The following SDR39U1 variants were observed in gnomAD, a reference collection of about 807,000 sequenced individuals.
SDR39U1 encodes the protein short chain dehydrogenase/reductase family 39U member 1, also known as epimerase family protein SDR39U1.
SDR39U1 carries 29 observed loss-of-function variants against 31.7 expected under a neutral mutation model. That is an observed-to-expected ratio of 0.92 (90% CI 0.68 to 1.25). The LOEUF (loss-of-function observed/expected upper bound fraction) is 1.25, where lower values mean the gene tolerates loss of function less well. SDR39U1 is among the 50% of genes most tolerant of loss of function. The pLI is 0.00. For synonymous variants in SDR39U1, 147 were observed against 159.0 expected, an observed-to-expected ratio of 0.92 and a Z score of 0.57; for missense variants, 403 against 378.4, an observed-to-expected ratio of 1.06 and a Z score of -0.54.
chr14:24,440,746 A>G (rs1438719995), intron 5 of SDR39U1, 37 bp downstream of exon 5: 25 of 1,606,686 alleles, frequency 1.6e-5, no homozygotes, highest in Non-Finnish European at 2.1e-5. Flanking sequence ...CAGAGAAGAC[A>G]TTCCAACCCT....
intron 3 of SDR39U1, 131 bp from the exon 4 acceptor site, chr14:24,441,926 G>A (rs755376422): frequency 6.6e-6 from 9 of 1,373,184 alleles, no homozygotes; most frequent in Non-Finnish European, 9.1e-6. Context: ...AAGAGAAACA[G>A]TCAACGTCTC....
intron 3 of SDR39U1, 102 bp downstream of exon 3, chr14:24,442,076 C>A: frequency 6.5e-7 from 1 of 1,550,370 alleles, no homozygotes; most frequent in South Asian, 1.2e-5. Flanking sequence ...CGGTTTAGTT[C>A]GGAATCTGGG....
chr14:24,442,715 T>C, intron 1 of SDR39U1, 39 bp downstream of exon 1: 2 of 1,613,256 alleles, frequency 1.2e-6, no homozygotes, highest in East Asian at 4.5e-5. Context: ...AATCTCCGAC[T>C]AAGCCCGCCC....
At position 24,440,445 on chromosome 14, in the gene SDR39U1, G is replaced by T; in HGVS notation, c.520C>A (p.Pro174Thr). The T allele has an allele frequency of 1.2e-6, 2 of 1,611,402 alleles. No individual in the cohort carries two copies. Among genetic ancestry groups the T allele is most frequent in the South Asian group, 2.2e-5 (2 of 90,622 alleles). Reference sequence around the variant, plus strand: ...GGGCCCCCCAGGCCCAGGCGAAAGGGCAGCAGCATGTGGCCCATGGCACCA... The same window carrying T: ...GGGCCCCCCAGGCCCAGGCGAAAGGTCAGCAGCATGTGGCCCATGGCACCA... Reference protein sequence around the residue: ...GGGAMGHMLLPFRLGLGGPIG... With the variant: ...GGGAMGHMLLTFRLGLGGPIG... The change falls in exon 6 of 6, where the codon CCC (proline) becomes ACC (threonine). Residue 174 changes from proline (P) to threonine (T), a missense_variant. Coordinates refer to ENST00000399395, the MANE Select transcript of SDR39U1 (RefSeq NM_020195.3).
chr14:24,442,818 C>A, upstream of SDR39U1: 1 of 1,608,110 alleles, frequency 6.2e-7, no homozygotes, highest in Non-Finnish European at 8.5e-7. Context: ...TTTACCTCAC[C>A]TCAGACGCGA....
rs915386598 is a variant in SDR39U1, at chr14:24,441,668, G to C, written c.328+6C>G. 2 of 1,574,586 alleles carry C rather than the reference G, an allele frequency of 1.3e-6. No homozygotes were observed. The highest frequency in any genetic ancestry group is 1.4e-5 in the African/African-American group (1 of 72,390). ...ATATAAGGGGCTGGTGATTTGGGGG[G>C]CGTACCTACACCTGTGACTAAGACC... On this transcript the variant is annotated splice_donor_region_variant and intron_variant, in intron 4 of 5. Coordinates refer to ENST00000399395, the MANE Select transcript of SDR39U1 (RefSeq NM_020195.3).
At position 24,442,094 on chromosome 14, in the gene SDR39U1, T is replaced by C. The variant is rs575333991; in HGVS notation, c.206+84A>G. 6.6e-5 allele frequency: 102 copies of C among 1,556,050 alleles called. 2 individuals are homozygous for C. The Admixed American group carries it at 2.0e-3, about 30-fold the overall frequency. ...TTTAGTTCGGAATCTGGGAGCTCCA[T>C]TACCCATAGCTCACAGGTTCTCATC... On this transcript the variant is annotated intron_variant, in intron 3 of 5. Coordinates refer to ENST00000399395, the MANE Select transcript of SDR39U1 (RefSeq NM_020195.3).
At chr14:24,440,972 C>T in intron 4 of SDR39U1, 46 bp from the exon 5 acceptor site, 1 of 1,611,890 alleles carries the variant, frequency 6.2e-7, no homozygotes, top group South Asian at 1.1e-5. Flanking sequence ...CTTGGTCCTG[C>T]CTGGCTCTCT....
In SDR39U1 at chr14:24,442,199, T is replaced by TTC; in HGVS notation, c.183_184dup (p.Asn62ArgfsTer18). ...TGACCTTCGGAGAGGGTTGAGGATG[T>TTC]TCTCTCCGGCCAGGTTGACGGCGGC... On this transcript the variant is annotated frameshift_variant, in exon 3 of 6. Transcript: ENST00000399395. LOFTEE classifies it high-confidence loss of function. The TTC allele has an allele frequency of 6.2e-7, 1 of 1,611,576 alleles. No individual in the cohort carries two copies. Among genetic ancestry groups the TTC allele is most frequent in the Non-Finnish European group, 8.5e-7 (1 of 1,179,046 alleles).
At position 24,440,048 on chromosome 14, in the gene SDR39U1, T is replaced by G; in HGVS notation, c.*35A>C. On this transcript the variant is annotated 3_prime_UTR_variant, in exon 6 of 6. Transcript: ENST00000399395. Reference sequence around the variant, plus strand: ...TCACAGTGCCTAACCTGGAAGCCTGTGAGGAACAGGCCTCAGGCCCTTGCC... The same window carrying G: ...TCACAGTGCCTAACCTGGAAGCCTGGGAGGAACAGGCCTCAGGCCCTTGCC... The G allele has an allele frequency of 6.5e-7, 1 of 1,538,268 alleles. No individual in the cohort carries two copies. The highest frequency in any genetic ancestry group is 8.8e-7 in the Non-Finnish European group (1 of 1,136,868).
At chr14:24,441,108 A>AGT in intron 4 of SDR39U1, 182 bp from the exon 5 acceptor site, 1 of 627,754 alleles carries the variant, frequency 1.6e-6, no homozygotes, top group South Asian at 1.6e-5. Context: ...CCCTGGAGGA[A>AGT]CTCTGGTTGC....
Position 24,442,242 on chromosome 14 carries a change from C to G in SDR39U1, c.142G>C (p.Gly48Arg). 1 of 1,610,890 alleles carries G rather than the reference C, an allele frequency of 6.2e-7. No homozygotes were observed. Residue 48 changes from glycine to arginine, a missense_variant, in exon 3 of 6, where the codon GGG becomes CGG. Transcript: ENST00000399395. ...RITWDELAAS[G>R]LPSCDAAVNL... ...ACGGCGGCATCGCAGCTCGGCAGCC[C>G]CGATGCAGCGAGCTCATCCTGTCGG...
intron 2 of SDR39U1, 34 bp from the exon 3 acceptor site, chr14:24,442,294 C>T (rs1394280093): frequency 6.2e-7 from 1 of 1,601,328 alleles, no homozygotes; most frequent in Non-Finnish European, 8.5e-7. Context: ...CCCTGCCCCG[C>T]CCTGCGCCGC....
At chr14:24,441,117 G>T (rs2043325322) in intron 4 of SDR39U1, 191 bp from the exon 5 acceptor site, 7 of 680,188 alleles carry the variant, frequency 1.0e-5, no homozygotes, top group Non-Finnish European at 1.6e-5. Context: ...AACTCTGGTT[G>T]CAGGGCTAAA....
In SDR39U1 at chr14:24,442,237, C is replaced by A; in HGVS notation, c.147G>T (p.Leu49=). 1 of 1,611,296 alleles carries A rather than the reference C, an allele frequency of 6.2e-7. No homozygotes were observed. Among genetic ancestry groups the A allele is most frequent in the South Asian group, 1.1e-5 (1 of 90,502 alleles). Residue 49 remains leucine, a synonymous_variant, in exon 3 of 6, where the codon CTG becomes CTT. Transcript: ENST00000399395. ...ITWDELAASG[L]PSCDAAVNLA... Reference sequence around the variant, plus strand: ...GGTTGACGGCGGCATCGCAGCTCGGCAGCCCCGATGCAGCGAGCTCATCCT... The same window carrying A: ...GGTTGACGGCGGCATCGCAGCTCGGAAGCCCCGATGCAGCGAGCTCATCCT...
chr14:24,441,215 C>T, intron 4 of SDR39U1: 1 of 511,728 alleles, frequency 2.0e-6, no homozygotes, highest in Non-Finnish European at 3.5e-6. Context: ...TTTATTAACT[C>T]TCTGACTTGA....
At position 24,439,861 on chromosome 14, in the gene SDR39U1, C is replaced by G; in HGVS notation, c.*222G>C. The G allele has an allele frequency of 2.0e-6, 1 of 499,618 alleles. No homozygotes were observed. The highest frequency in any genetic ancestry group is 3.5e-6 in the Non-Finnish European group (1 of 283,400). 30.9% of individuals were successfully genotyped at this position (499,618 alleles called of 1,614,324 possible). A position where few individuals can be genotyped will look rare whatever the true frequency, so the allele number is the denominator to read the frequency against. ...GCAGCTGCAGGACATGTAGAGAAAC[C>G]AAACTGGGAAATCTTACAAGGAGTT... On this transcript the variant is annotated 3_prime_UTR_variant, in exon 6 of 6. Coordinates refer to ENST00000399395, the MANE Select transcript of SDR39U1 (RefSeq NM_020195.3).
Position 24,440,710 on chromosome 14 carries a change from C to G in SDR39U1, c.472+73G>C, listed in dbSNP as rs920027191. 6 of 1,554,180 alleles carry G rather than the reference C, an allele frequency of 3.9e-6. No homozygotes were observed. In the African/African-American group the frequency reaches 5.5e-5, roughly 14 times the overall value. The stretch of plus-strand genomic sequence containing the variant: ...TCACTCTGTAATTGTAATCTCAGCT[C>G]TCCTAATCCCATCACTTCCCCAGCC... On this transcript the variant is annotated intron_variant, in intron 5 of 5. Coordinates refer to ENST00000399395, the MANE Select transcript of SDR39U1 (RefSeq NM_020195.3).
rs531484530 is a variant in SDR39U1 at position 24,442,503 on chromosome 14, C to G, written c.17-51G>C. On this transcript the variant is annotated intron_variant, in intron 1 of 5. Transcript: ENST00000399395. Reference sequence around the variant, plus strand: ...TATTCCCGTGGAGTTGGGGTGGGGGCGCCTTCCGTCCCCGCTGTGGCACCC... The same window carrying G: ...TATTCCCGTGGAGTTGGGGTGGGGGGGCCTTCCGTCCCCGCTGTGGCACCC... 318 of 1,507,570 alleles carry G rather than the reference C, an allele frequency of 2.1e-4. No individual in the cohort carries two copies. In the African/African-American group the frequency reaches 3.9e-3, roughly 19 times the overall value. 93.4% of individuals were successfully genotyped at this position (1,507,570 alleles called of 1,614,324 possible).
Sources: gnomAD v4.1 joint callset for allele counts on GRCh38, gnomAD v4.1.1 for gene constraint, MANE v1.5 for transcripts, NCBI Gene and HGNC (gene_info 2026-07-23, HGNC 2026-07-21) for gene names.